The following ADAMTS1 variants were observed in gnomAD, a reference collection of about 807,000 sequenced individuals.
ADAMTS1 encodes the protein ADAM metallopeptidase with thrombospondin type 1 motif 1, also known as A disintegrin and metalloproteinase with thrombospondin motifs 1.
Under a neutral mutation model 87.9 loss-of-function variants are expected in ADAMTS1, and 19 were observed. The ratio of observed to expected loss-of-function variants is 0.22; its 90% CI spans 0.15 to 0.32. ADAMTS1 has a LOEUF of 0.32. Among genes scored for constraint, ADAMTS1 ranks in the 10% least tolerant of loss-of-function variants. The pLI, the probability that ADAMTS1 is intolerant of heterozygous loss-of-function variation, is 1.00. For missense variants in ADAMTS1, 1,240 were observed against 1,259.1 expected, an observed-to-expected ratio of 0.98 and a Z score of 0.23; for synonymous variants, 542 against 501.8, an observed-to-expected ratio of 1.08 and a Z score of -1.07.
At chr21:26,841,749 T>C in intron 3 of ADAMTS1, 109 bp downstream of exon 3, 3 of 1,228,380 alleles carry the variant, frequency 2.4e-6, no homozygotes, top group Non-Finnish European at 3.3e-6. Flanking sequence ...GTTTCTAAGA[T>C]GCACTAGGAC....
chr21:26,843,921 G>C (rs451792), intron 1 of ADAMTS1: 362,957 of 495,280 alleles, frequency 0.73, 136,821 homozygotes, highest in African/African-American at 0.89. Context: ...GCTCCAACTC[G>C]CTAAAGGTGG....
At position 26,835,881 on chromosome 21, in the gene ADAMTS1, A is replaced by G. The variant is rs1197821026; in HGVS notation, c.*1698T>C. ...AGAACACAGCCATGTCCATTCACTT[A>G]CTCATTCTTTATGGCTAGTTTTGTG... On this transcript the variant is annotated 3_prime_UTR_variant, in exon 9 of 9. Transcript: ENST00000284984. 1 of 152,142 alleles carries G rather than the reference A, an allele frequency of 6.6e-6. No individual in the cohort carries two copies. Among genetic ancestry groups the G allele is most frequent in the East Asian group, 1.9e-4 (1 of 5,196 alleles). The allele number at this position is 152,142 out of a possible 1,614,324, so 9.4% of individuals were successfully genotyped here. A position where few individuals can be genotyped will look rare whatever the true frequency, so the allele number is the denominator to read the frequency against.
chr21:26,839,435 C>A, intron 7 of ADAMTS1, 152 bp downstream of exon 7: 1 of 674,472 alleles, frequency 1.5e-6, no homozygotes, highest in South Asian at 2.5e-5. Flanking sequence ...TCAAAGCAGG[C>A]AGTTGCCAAT....
At chr21:26,838,305 T>C in intron 8 of ADAMTS1, 27 bp from the exon 9 acceptor site, 1 of 1,582,794 alleles carries the variant, frequency 6.3e-7, no homozygotes, top group Non-Finnish European at 8.6e-7. Context: ...CAGGCATAAA[T>C]CTCTGATTCA....
At chr21:26,841,632 G>A (rs1985496436) in intron 3 of ADAMTS1, 1 of 451,426 alleles carries the variant, frequency 2.2e-6, no homozygotes, top group Non-Finnish European at 3.8e-6. Context: ...CTTTTCACAG[G>A]GTGTAAACAA....
rs1307494533 is a variant in ADAMTS1, at chr21:26,840,455, A to C, written c.1486T>G (p.Ser496Ala). ...RQCQFTFGED[S>A]KHCPDAASTC... ...CTGGCTGCATCGGGGCAGTGTTTGG[A>C]GTCCTCCCCAAATGTAAACTGGCAC... The change falls in exon 5 of 9, where the codon TCC becomes GCC. Residue 496 changes from serine to alanine, a missense_variant. Physicochemically the swap from Ser to Ala is moderately conservative, Grantham distance 99. Around this residue, in one of 3 missense-constraint regions of ADAMTS1, gnomAD observed 317 missense variants for 410.3 expected, o/e 0.77. Coordinates refer to ENST00000284984, the MANE Select transcript of ADAMTS1 (RefSeq NM_006988.5). The C allele has an allele frequency of 5.6e-6, 9 of 1,614,142 alleles. No individual in the cohort carries two copies. The East Asian group carries it at 2.0e-4, about 36-fold the overall frequency.
chr21:26,845,171 C>G lies in ADAMTS1; in HGVS notation c.-217G>C. ...GCCGGCGCGCGGGAAGTTTTTCTTC[C>G]AGCGCAAAGTTGGAGACACTGAGAG... is the stretch of plus-strand genomic sequence containing the variant. On this transcript the variant is annotated 5_prime_UTR_variant, in exon 1 of 9. Transcript: ENST00000284984. 1 of 553,580 alleles carries G rather than the reference C, an allele frequency of 1.8e-6. No homozygotes were observed. The allele number at this position is 553,580 out of a possible 1,614,324, so 34.3% of individuals were successfully genotyped here.
chr21:26,842,674 T>C lies in ADAMTS1; in HGVS notation c.742A>G (p.Ile248Val). ...GVGQPTGTGS[I>V]RKKRFVSSHR... The stretch of plus-strand genomic sequence containing the variant: ...CTGGACACAAATCGCTTCTTTCTTA[T>C]GCTTCCAGTTCCTGTAAAGAAAAAA... The change falls in exon 2 of 9, where the codon ATA becomes GTA. Residue 248 changes from isoleucine (I) to valine (V), a missense_variant. This residue lies in a region of ADAMTS1 where 521 missense variants were observed against 449.7 expected (regional missense o/e 1.16). Coordinates refer to ENST00000284984, the MANE Select transcript of ADAMTS1 (RefSeq NM_006988.5). 6.2e-7 allele frequency: 1 copy of C among 1,612,596 alleles called. No individual in the cohort carries two copies. Among genetic ancestry groups the C allele is most frequent in the Non-Finnish European group, 8.5e-7 (1 of 1,179,348 alleles).
intron 2 of ADAMTS1, 77 bp downstream of exon 2, chr21:26,842,262 T>C (rs1985509456): frequency 7.2e-7 from 1 of 1,382,344 alleles, no homozygotes; most frequent in Non-Finnish European, 9.8e-7. Flanking sequence ...ACTGGTGAAA[T>C]GCCTTGTATA....
Position 26,838,170 on chromosome 21 carries a change from T to A in ADAMTS1, c.2313A>T (p.Lys771Asn). ...TAAGAATATATGTGCCATCAGCAGC[T>A]TTGATGGCAAGAAAGCTGCCATTGT... ...SRNNGSFLAIKAADGTYILNG... is the reference protein window; with the variant it reads ...SRNNGSFLAINAADGTYILNG... Residue 771 changes from lysine to asparagine, a missense_variant, in exon 9 of 9, where the codon AAA becomes AAT. Physicochemically the swap from Lys to Asn is moderately conservative, Grantham distance 94. This residue lies in a region of ADAMTS1 where 402 missense variants were observed against 399.1 expected (regional missense o/e 1.01). Transcript: ENST00000284984. The A allele has an allele frequency of 6.2e-7, 1 of 1,614,050 alleles. No homozygotes were observed. The highest frequency in any genetic ancestry group is 8.5e-7 in the Non-Finnish European group (1 of 1,179,946).
intron 1 of ADAMTS1, chr21:26,843,098 G>A: frequency 3.8e-6 from 1 of 264,176 alleles, no homozygotes; most frequent in South Asian, 4.2e-5. Context: ...CCACGTGGAA[G>A]GCCTCGGGTA....
chr21:26,842,193 CAG>C, intron 2 of ADAMTS1, 144 bp downstream of exon 2: 1 of 1,013,628 alleles, frequency 9.9e-7, no homozygotes, highest in Non-Finnish European at 1.4e-6. Context: ...ATTTAAATTA[CAG>C]TAGAAATGAG....
At chr21:26,843,386 C>G (rs1430283189) in intron 1 of ADAMTS1, 8 of 439,322 alleles carry the variant, frequency 1.8e-5, no homozygotes, top group Non-Finnish European at 3.3e-5. Context: ...CACTTTGCTC[C>G]CAGGAGCAGA....
At position 26,845,010 on chromosome 21, in the gene ADAMTS1, C is replaced by T; in HGVS notation, c.-56G>A. ...CGCACGGAGCGAGGGACCTTTAGTT[C>T]GGGTCGGGAGAGCAAAGCCTCGTTG... On this transcript the variant is annotated 5_prime_UTR_variant, in exon 1 of 9. Transcript: ENST00000284984. 1 of 1,473,442 alleles carries T rather than the reference C, an allele frequency of 6.8e-7. No individual in the cohort carries two copies. The highest frequency in any genetic ancestry group is 1.5e-5 in the South Asian group (1 of 68,556). The allele number at this position is 1,473,442 out of a possible 1,614,324, so 91.3% of individuals were successfully genotyped here.
In ADAMTS1 at chr21:26,844,515, C is replaced by T; in HGVS notation, c.440G>A (p.Gly147Asp). 6.3e-7 allele frequency: 1 copy of T among 1,598,336 alleles called. No homozygotes were observed. Among genetic ancestry groups the T allele is most frequent in the Non-Finnish European group, 8.5e-7 (1 of 1,172,982 alleles). ...AALSLCEGVRGAFYLLGEAYF... is the reference protein window; with the variant it reads ...AALSLCEGVRDAFYLLGEAYF... Reference sequence around the variant, plus strand: ...CGCCTCCCCCAGCAGGTAGAAGGCGCCGCGCACGCCCTCGCAGAGGCTGAG... The same window carrying T: ...CGCCTCCCCCAGCAGGTAGAAGGCGTCGCGCACGCCCTCGCAGAGGCTGAG... The change falls in exon 1 of 9, where the codon GGC (glycine) becomes GAC (aspartate). Residue 147 changes from glycine to aspartate, a missense_variant. Physicochemically the swap from Gly to Asp is moderately conservative, Grantham distance 94 (BLOSUM62 -1). Transcript: ENST00000284984.
At position 26,838,481 on chromosome 21, in the gene ADAMTS1, C is replaced by A. The variant is rs776912863; in HGVS notation, c.2162G>T (p.Gly721Val). The A allele has an allele frequency of 9.9e-6, 16 of 1,614,138 alleles. No individual in the cohort carries two copies. Among genetic ancestry groups the A allele is most frequent in the Non-Finnish European group, 1.4e-5 (16 of 1,180,028 alleles). ...FDKCGVCGGN[G>V]STCKKISGSV... ...TCCTGATATTTTTTTACAAGTAGAT[C>A]CATTTCCCCCGCAAACACCACATTT... The change falls in exon 8 of 9, where the codon GGA (glycine) becomes GTA (valine). Residue 721 changes from glycine to valine, a missense_variant. Gly to Val is a moderately radical substitution (Grantham distance 109, BLOSUM62 -3). This residue lies in a region of ADAMTS1 where 402 missense variants were observed against 399.1 expected (regional missense o/e 1.01). Transcript: ENST00000284984.
At position 26,845,174 on chromosome 21, in the gene ADAMTS1, C is replaced by T; in HGVS notation, c.-220G>A. 1.9e-6 allele frequency: 1 copy of T among 533,602 alleles called. No individual in the cohort carries two copies. Among genetic ancestry groups the T allele is most frequent in the Non-Finnish European group, 2.9e-6 (1 of 346,936 alleles). The allele number at this position is 533,602 out of a possible 1,614,324, so 33.1% of individuals were successfully genotyped here. ...GGCGCGCGGGAAGTTTTTCTTCCAG[C>T]GCAAAGTTGGAGACACTGAGAGGCA... On this transcript the variant is annotated 5_prime_UTR_variant, in exon 1 of 9. Coordinates refer to ENST00000284984, the MANE Select transcript of ADAMTS1 (RefSeq NM_006988.5).
In ADAMTS1 at chr21:26,844,252, C is replaced by A. The variant is rs781710708; in HGVS notation, c.703G>T (p.Ala235Ser). The part of the protein sequence containing the change: ...EGAQWSPQDP[A>S]LQGVGQPTGT... ...GTGGGCTGTCCTACGCCTTGCAGTG[C>A]CGGGTCCTGCGGCGACCACTGAGCC... Residue 235 changes from alanine to serine, a missense_variant, in exon 1 of 9, where the codon GCA (alanine) becomes TCA (serine). Around this residue, in one of 3 missense-constraint regions of ADAMTS1, gnomAD observed 521 missense variants for 449.7 expected, o/e 1.16. Transcript: ENST00000284984. 6.3e-7 allele frequency: 1 copy of A among 1,575,774 alleles called. No homozygotes were observed. Among genetic ancestry groups the A allele is most frequent in the Non-Finnish European group, 8.6e-7 (1 of 1,161,034 alleles).
intron 1 of ADAMTS1, chr21:26,843,738 G>A (rs1404742951): frequency 4.0e-6 from 2 of 501,984 alleles, no homozygotes; most frequent in Non-Finnish European, 8.1e-6. Flanking sequence ...GCCGCTCAGG[G>A]TACCTTCCCA....
Sources: allele counts gnomAD v4.1 joint callset, GRCh38; gene constraint gnomAD v4.1.1; regional missense constraint gnomAD v4.1.1; transcripts MANE v1.5; gene names NCBI Gene and HGNC (gene_info 2026-07-23, HGNC 2026-07-21).